Variants in CADM1 observed in about 807,000 individuals in gnomAD.
CADM1 encodes the protein cell adhesion molecule 1.
CADM1 carries 15 observed loss-of-function variants against 53.1 expected under a neutral mutation model. The ratio of observed to expected loss-of-function variants is 0.28; its 90% confidence interval spans 0.19 to 0.44. The LOEUF (loss-of-function observed/expected upper bound fraction) is 0.44. Ranked by LOEUF, CADM1 falls within the 20% of genes least tolerant of loss-of-function variation. The pLI is 1.00. For missense variants in CADM1, 434 were observed against 611.3 expected (o/e 0.71, Z 3.06); for synonymous variants, 281 against 243.0 (o/e 1.16, Z -1.45).
chr11:115,319,888 C>A (rs1016835616), intron 1 of CADM1, among the ~76,000 whole-genome samples: 14 of 152,092 alleles, frequency 9.2e-5, no homozygotes, highest in Non-Finnish European at 2.1e-4. Flanking sequence ...ATAAATAATC[C>A]TAACAACCCT....
chr11:115,477,171 G>A (rs1035081135), intron 1 of CADM1, among the ~76,000 whole-genome samples: 1 of 151,888 alleles, frequency 6.6e-6, no homozygotes, highest in African/African-American at 2.4e-5. Flanking sequence ...GGAAAGGAAA[G>A]GAAATATGAG....
At chr11:115,338,877 A>ATTTTTTTTTTTTTTTATTTTTTTTTT (rs56300408) in intron 1 of CADM1, among the ~76,000 whole-genome samples, 28 of 127,644 alleles carry the variant, frequency 2.2e-4, no homozygotes, top group South Asian at 2.5e-4. Context: ...TATTTTTTTT[A>ATTTTTTTTTTTTTTTATTTTTTTTTT]TTTTTTTTTT....
At chr11:115,241,047 A>C (rs1942210914) in intron 1 of CADM1, 1 of 153,728 alleles carries the variant, frequency 6.5e-6, no homozygotes, top group Non-Finnish European at 1.5e-5. Flanking sequence ...CCAAAGCCCC[A>C]GGCATCTCTG....
At chr11:115,428,711 G>T (rs924707836) in intron 1 of CADM1, among the ~76,000 whole-genome samples, 3 of 151,958 alleles carry the variant, frequency 2.0e-5, no homozygotes, top group Admixed American at 6.6e-5. Context: ...AGAATGTAGA[G>T]ATATCATTTT....
At chr11:115,287,489 A>C (rs1943762436) in intron 1 of CADM1, 1 of 152,166 alleles carries the variant, frequency 6.6e-6, no homozygotes, top group African/African-American at 2.4e-5. Flanking sequence ...TCTCCAGCGC[A>C]CTCTAGTCAT....
At chr11:115,375,116 A>G (rs576712721) in intron 1 of CADM1, among the ~76,000 whole-genome samples, 1 of 152,278 alleles carries the variant, frequency 6.6e-6, no homozygotes, top group East Asian at 1.9e-4. Context: ...CTTTAAAATG[A>G]TCCATGGTTG....
At chr11:115,362,780 T>A (rs181783270) in intron 1 of CADM1, among the ~76,000 whole-genome samples, 1 of 152,226 alleles carries the variant, frequency 6.6e-6, no homozygotes, top group South Asian at 2.1e-4. Flanking sequence ...AATGAGGTTA[T>A]TGAGTATTTT....
intron 1 of CADM1, among the ~76,000 whole-genome samples, chr11:115,455,117 C>T (rs1221493913): frequency 6.6e-6 from 1 of 152,144 alleles, no homozygotes; most frequent in African/African-American, 2.4e-5. Flanking sequence ...TTATCAGATA[C>T]ATTCTTTTCT....
At chr11:115,398,222 A>T (rs1190068569) in intron 1 of CADM1, among the ~76,000 whole-genome samples, 1 of 152,238 alleles carries the variant, frequency 6.6e-6, no homozygotes, top group African/African-American at 2.4e-5. Context: ...GGTCGTGAAT[A>T]GGCTCTGATT....
At chr11:115,368,372 A>G (rs550264846) in intron 1 of CADM1, among the ~76,000 whole-genome samples, 22 of 152,210 alleles carry the variant, frequency 1.4e-4, no homozygotes, top group African/African-American at 5.3e-4. Context: ...TGAGGTCATG[A>G]CCAAATTACT....
At chr11:115,346,720 C>T (rs1053607162) in intron 1 of CADM1, among the ~76,000 whole-genome samples, 7 of 152,108 alleles carry the variant, frequency 4.6e-5, no homozygotes, top group Non-Finnish European at 7.4e-5. Context: ...AAAGGGTCAC[C>T]GGCTAACCTC....
At chr11:115,325,196 G>A (rs1202299943) in intron 1 of CADM1, among the ~76,000 whole-genome samples, 1 of 152,144 alleles carries the variant, frequency 6.6e-6, no homozygotes, top group Non-Finnish European at 1.5e-5. Context: ...CAATCCCTTA[G>A]ATTATCTCCC....
At chr11:115,309,333 A>G (rs756590768) in intron 1 of CADM1, among the ~76,000 whole-genome samples, 5 of 152,162 alleles carry the variant, frequency 3.3e-5, no homozygotes, top group Non-Finnish European at 5.9e-5. Context: ...AATTTTAAAC[A>G]TATAAGATTA....
At chr11:115,363,485 C>A (rs1174341938) in intron 1 of CADM1, 2 of 152,062 alleles carry the variant, frequency 1.3e-5, no homozygotes, top group Non-Finnish European at 2.9e-5. Context: ...GTTTGTTTGC[C>A]CACTCCATTT....
chr11:115,386,949 C>A (rs1174838450), intron 1 of CADM1, among the ~76,000 whole-genome samples: 2 of 152,122 alleles, frequency 1.3e-5, no homozygotes, highest in Non-Finnish European at 2.9e-5. Context: ...AAGCTAGCAT[C>A]AAGAAGTAAA....
Position 115,173,765 on chromosome 11 carries a change from A to T in CADM1, c.*2709T>A, listed in dbSNP as rs916974316. 1.0e-6 allele frequency: 1 copy of T among 981,236 alleles called. No homozygotes were observed. Among genetic ancestry groups the T allele is most frequent in the African/African-American group, 1.8e-5 (1 of 56,878 alleles). The allele number at this position is 981,236 out of a possible 1,614,324, so 60.8% of individuals were successfully genotyped here. A position where few individuals can be genotyped will look rare whatever the true frequency, so the allele number is the denominator to read the frequency against. On this transcript the variant is annotated 3_prime_UTR_variant, in exon 12 of 12. Coordinates refer to ENST00000331581, the MANE Select transcript of CADM1 (RefSeq NM_001301043.2). ...GGAACATATGGATATGGAGTTTCTT[A>T]CACTGTAACATTGTCCATGTACACC...
chr11:115,391,771 C>T (rs1223654404), intron 1 of CADM1, among the ~76,000 whole-genome samples: 1 of 152,200 alleles, frequency 6.6e-6, no homozygotes, highest in African/African-American at 2.4e-5. Context: ...ACAAAGGCCA[C>T]AAACTCAGTG....
chr11:115,400,657 GTGTGTATATATATATA>G (rs1286648189), intron 1 of CADM1, among the ~76,000 whole-genome samples: 7 of 82,320 alleles, frequency 8.5e-5, no homozygotes, highest in African/African-American at 2.6e-4. Context: ...GTGTGTGTGT[GTGTGTATATATATATA>G]TATATATATA....
rs1372974376 is a variant in CADM1, at chr11:115,184,399, ATTC to A, written c.1166-5627_1166-5625del. On this transcript the variant is annotated intron_variant, in intron 10 of 11. Coordinates refer to ENST00000331581, the MANE Select transcript of CADM1 (RefSeq NM_001301043.2). ...CATTATTTGCTAATCCTAATATGTT[ATTC>A]TTCTTTAAGATTTGCTTTTCTCAGC... Among the ~76,000 whole-genome samples the A allele has an allele frequency of 2.0e-5, 3 of 152,226 alleles. No homozygotes were observed. The East Asian group carries it at 5.8e-4, about 29-fold the overall frequency.
Sources: gnomAD v4.1 joint callset for allele counts (sites outside exome capture counted in the v4.1 genomes callset) on GRCh38, gnomAD v4.1.1 for gene constraint, MANE v1.5 for transcripts, NCBI Gene and HGNC (gene_info 2026-07-23, HGNC 2026-07-21) for gene names.